The following SRGAP2 variants were observed in gnomAD, a reference collection of about 807,000 sequenced individuals.
SRGAP2 encodes the protein SLIT-ROBO Rho GTPase activating protein 2.
SRGAP2 carries 15 observed loss-of-function variants against 57.2 expected under a neutral mutation model. That is an observed-to-expected ratio of 0.26 (90% CI 0.18 to 0.40). SRGAP2 has a LOEUF of 0.40. Among genes scored for constraint, SRGAP2 ranks in the 10% least tolerant of loss-of-function variants. The probability of loss-of-function intolerance (pLI) is 1.00; values close to 1 mark genes in which losing one functional copy is unlikely to be tolerated. For synonymous variants in SRGAP2, 249 were observed against 248.0 expected, an observed-to-expected ratio of 1.00 and a Z score of -0.04; for missense variants, 520 against 669.6, an observed-to-expected ratio of 0.78 and a Z score of 2.47.
intron 19 of SRGAP2, among the ~76,000 whole-genome samples, chr1:206,452,986 T>C (rs1663467750): frequency 6.6e-6 from 1 of 150,602 alleles, no homozygotes; most frequent in Non-Finnish European, 1.5e-5. Context: ...GAGGGAACAG[T>C]GTGAGCAAAG....
At chr1:206,220,860 G>T (rs1255817651) in intron 2 of SRGAP2, among the ~76,000 whole-genome samples, 1 of 151,690 alleles carries the variant, frequency 6.6e-6, no homozygotes, top group African/African-American at 2.4e-5. Flanking sequence ...ACTTCCTCCA[G>T]TGTTGGGACA....
chr1:206,414,598 T>C (rs1659519124), intron 10 of SRGAP2, among the ~76,000 whole-genome samples: 1 of 152,016 alleles, frequency 6.6e-6, no homozygotes, highest in Admixed American at 6.5e-5. Flanking sequence ...GATGAACCAC[T>C]GCAGCAGGAG....
chr1:206,398,375 T>C (rs1242590392), intron 7 of SRGAP2, among the ~76,000 whole-genome samples: 1 of 150,398 alleles, frequency 6.6e-6, no homozygotes, highest in Non-Finnish European at 1.5e-5. Flanking sequence ...TCTGCCTGGT[T>C]GGCTAGAGGT....
chr1:206,304,613 C>A (rs1672081004), intron 3 of SRGAP2, among the ~76,000 whole-genome samples: 2 of 152,046 alleles, frequency 1.3e-5, no homozygotes, highest in South Asian at 4.2e-4. Flanking sequence ...GTAGGTTGGA[C>A]AAGCTTGGTC....
chr1:206,461,441 C>G lies in SRGAP2; in HGVS notation c.*21C>G, dbSNP rs1553380772. ...TCTGAGGGATAATAATTTAATTGTTCTAGACAAGGGGACTATAGGGACTGA... is the reference window on the plus strand; with the variant it reads ...TCTGAGGGATAATAATTTAATTGTTGTAGACAAGGGGACTATAGGGACTGA... On this transcript the variant is annotated 3_prime_UTR_variant, in exon 23 of 23. Coordinates refer to ENST00000573034, the MANE Select transcript of SRGAP2 (RefSeq NM_015326.5). 1 of 733,296 alleles carries G rather than the reference C, an allele frequency of 1.4e-6. No individual in the cohort carries two copies. The highest frequency in any genetic ancestry group is 1.5e-5 in the South Asian group (1 of 68,226). The allele number at this position is 733,296 out of a possible 1,614,324, so 45.4% of individuals were successfully genotyped here. A position where few individuals can be genotyped will look rare whatever the true frequency, so the allele number is the denominator to read the frequency against.
At chr1:206,249,339 ACCC>A in intron 2 of SRGAP2, among the ~76,000 whole-genome samples, 1 of 152,270 alleles carries the variant, frequency 6.6e-6, no homozygotes, top group Non-Finnish European at 1.5e-5. Context: ...CTTGGAACCA[ACCC>A]AAATGCCCAT....
At chr1:206,286,674 A>G (rs1671042934) in intron 2 of SRGAP2, among the ~76,000 whole-genome samples, 3 of 152,186 alleles carry the variant, frequency 2.0e-5, no homozygotes, top group South Asian at 4.1e-4. Context: ...GTGTCGGGGC[A>G]CTTTCAGATG....
At chr1:206,431,784 G>C (rs1283633897) in intron 14 of SRGAP2, among the ~76,000 whole-genome samples, 1 of 152,226 alleles carries the variant, frequency 6.6e-6, no homozygotes, top group Non-Finnish European at 1.5e-5. Context: ...AGGGAACACT[G>C]TTTGAAGCTG....
Position 206,342,841 on chromosome 1 carries a change from C to T in SRGAP2, c.261-5C>T, listed in dbSNP as rs1553335629. 4 of 656,086 alleles carry T rather than the reference C, an allele frequency of 6.1e-6. No individual in the cohort carries two copies. The highest frequency in any genetic ancestry group is 1.1e-5 in the Non-Finnish European group (4 of 362,276). 40.6% of individuals were successfully genotyped at this position (656,086 alleles called of 1,614,324 possible). A position where few individuals can be genotyped will look rare whatever the true frequency, so the allele number is the denominator to read the frequency against. ...TGACTTCTTTTCCTTGATGTTTCTT[C>T]ACAGGAAGGATCAGAATGTTCTCTC... On this transcript the variant is annotated splice_region_variant and splice_polypyrimidine_tract_variant and intron_variant, in intron 3 of 22. Coordinates refer to ENST00000573034, the MANE Select transcript of SRGAP2 (RefSeq NM_015326.5).
chr1:206,285,421 A>G (rs1450145143), intron 2 of SRGAP2, among the ~76,000 whole-genome samples: 1 of 152,028 alleles, frequency 6.6e-6, no homozygotes, highest in Admixed American at 6.6e-5. Context: ...CACCTTCCCC[A>G]TGGCTGCCTG....
intron 3 of SRGAP2, among the ~76,000 whole-genome samples, chr1:206,342,413 G>A (rs1173734932): frequency 4.0e-5 from 6 of 151,068 alleles, no homozygotes; most frequent in Admixed American, 1.3e-4. Flanking sequence ...AGTCCCTGGC[G>A]CCCTCTTACT....
rs1664307801 is a variant in SRGAP2 at position 206,462,042 on chromosome 1, A to G, written c.*622A>G. The G allele has an allele frequency of 6.6e-6, 1 of 152,342 alleles. No individual in the cohort carries two copies. Among genetic ancestry groups the G allele is most frequent in the African/African-American group, 2.4e-5 (1 of 41,526 alleles). 9.4% of individuals were successfully genotyped at this position (152,342 alleles called of 1,614,324 possible). A position where few individuals can be genotyped will look rare whatever the true frequency, so the allele number is the denominator to read the frequency against. On this transcript the variant is annotated 3_prime_UTR_variant, in exon 23 of 23. Coordinates refer to ENST00000573034, the MANE Select transcript of SRGAP2 (RefSeq NM_015326.5). ...CACCAGGGGTCTCTGTTTCCATCAC[A>G]AACTTTGTTCTGTCTGGGCCAGAGA...
At chr1:206,388,195 G>C (rs1359714693) in intron 5 of SRGAP2, among the ~76,000 whole-genome samples, 4 of 151,456 alleles carry the variant, frequency 2.6e-5, no homozygotes, top group Non-Finnish European at 4.4e-5. Context: ...TGGGGCTGTT[G>C]TTATTCCAGA....
intron 2 of SRGAP2, among the ~76,000 whole-genome samples, chr1:206,247,572 C>T (rs1668571368): frequency 6.6e-6 from 1 of 151,716 alleles, no homozygotes; most frequent in Non-Finnish European, 1.5e-5. Flanking sequence ...TAGGAGGGGG[C>T]TGAAATCATT....
chr1:206,310,553 A>G (rs1342592681), intron 3 of SRGAP2, among the ~76,000 whole-genome samples: 18 of 152,222 alleles, frequency 1.2e-4, no homozygotes, highest in Admixed American at 1.2e-3. Flanking sequence ...CACGTAGCTG[A>G]TGAGTTCTGC....
At chr1:206,358,010 T>C (rs1239911989) in intron 4 of SRGAP2, among the ~76,000 whole-genome samples, 3 of 147,524 alleles carry the variant, frequency 2.0e-5, no homozygotes, top group Non-Finnish European at 3.0e-5. Context: ...AGGCTTTCAT[T>C]TGGAAATACC....
intron 19 of SRGAP2, among the ~76,000 whole-genome samples, chr1:206,451,532 G>T (rs2103387349): frequency 6.6e-6 from 1 of 151,984 alleles, no homozygotes; most frequent in Middle Eastern, 3.4e-3. Context: ...CCTGTTCCCT[G>T]CCTTGCTGGG....
Position 206,262,884 on chromosome 1 carries a change from T to G in SRGAP2, c.68-40397T>G, listed in dbSNP as rs1473827144. 4.4e-5 allele frequency among the ~76,000 whole-genome samples: 5 copies of G among 112,582 alleles called. 1 individual carries two copies. Among genetic ancestry groups the G allele is most frequent in the East Asian group, 4.3e-4 (1 of 2,310 alleles). 73.9% of individuals were successfully genotyped at this position (112,582 alleles called of 152,430 possible). A position where few individuals can be genotyped will look rare whatever the true frequency, so the allele number is the denominator to read the frequency against. ...ACAGGGTTTTATCGTGGGTTTTGTT[T>G]TTTTTTTTTTTGTCTTCTGAAAACA... On this transcript the variant is annotated intron_variant, in intron 2 of 22. Transcript: ENST00000573034.
chr1:206,458,443 G>A (rs943259016), intron 21 of SRGAP2, 180 bp from the exon 22 acceptor site: 3 of 714,962 alleles, frequency 4.2e-6, no homozygotes, highest in Middle Eastern at 2.3e-4. Flanking sequence ...CCAGCTTGGG[G>A]GTGGCAAGGG....
Sources: gnomAD v4.1 joint callset for allele counts (sites outside exome capture counted in the v4.1 genomes callset) on GRCh38, gnomAD v4.1.1 for gene constraint, MANE v1.5 for transcripts, NCBI Gene and HGNC (gene_info 2026-07-23, HGNC 2026-07-21) for gene names.